The following LRTM3 variants were observed in gnomAD, a reference collection of about 807,000 sequenced individuals.
The protein encoded by LRTM3 is leucine rich repeat transmembrane protein 3.
At chr13:102,731,117 G>A in the LRTM3 span, 3 of 1,551,384 alleles carry the variant, frequency 1.9e-6, no homozygotes, top group Admixed American at 3.9e-5. Flanking sequence ...ACTAGCAGAA[G>A]TCACTGCAGA....
At chr13:102,747,952 C>G in the LRTM3 span, 1 of 1,551,242 alleles carries the variant, frequency 6.4e-7, no homozygotes, top group Non-Finnish European at 8.7e-7. Flanking sequence ...CTGAATTTGC[C>G]TCTTTCTCCT....
the LRTM3 span, among the ~76,000 whole-genome samples, chr13:102,753,494 TA>T: frequency 0.51 from 63,269 of 124,226 alleles, 14,990 homozygotes; most frequent in South Asian, 0.59. Context: ...AAAGTAAAAT[TA>T]AAAAAAAAAA....
the LRTM3 span, among the ~76,000 whole-genome samples, chr13:102,757,475 C>T: frequency 2.6e-5 from 4 of 152,142 alleles, no homozygotes; most frequent in African/African-American, 4.8e-5. Flanking sequence ...TATAGAAAGC[C>T]GTTTATGACC....
the LRTM3 span, chr13:102,759,010 G>A: frequency 9.9e-6 from 8 of 806,660 alleles, no homozygotes; most frequent in South Asian, 5.5e-5. Flanking sequence ...ATAAAACCTC[G>A]GTATGCCCAA....
At chr13:102,733,185 G>A in the LRTM3 span, 37 of 1,551,218 alleles carry the variant, frequency 2.4e-5, no homozygotes, top group African/African-American at 1.9e-4. Flanking sequence ...TCACACCGTC[G>A]GATCACTTGC....
chr13:102,743,624 A>G, the LRTM3 span: 6 of 1,550,480 alleles, frequency 3.9e-6, no homozygotes, highest in South Asian at 3.6e-5. Context: ...AGGACCCAGG[A>G]AAGTTGCAGG....
the LRTM3 span, chr13:102,745,152 A>C: frequency 6.4e-7 from 1 of 1,550,602 alleles, no homozygotes; most frequent in South Asian, 1.2e-5. Flanking sequence ...TGGTTTTCTA[A>C]TTTGTGAAAG....
chr13:102,747,800 T>C, the LRTM3 span: 1 of 1,551,174 alleles, frequency 6.4e-7, no homozygotes, highest in South Asian at 1.2e-5. Context: ...CAAAATAGTT[T>C]GTGTAGAAAG....
At chr13:102,735,993 A>T in the LRTM3 span, 12 of 1,549,962 alleles carry the variant, frequency 7.7e-6, no homozygotes, top group Non-Finnish European at 1.0e-5. Context: ...TCTGCCCTCA[A>T]ATGTATCCTT....
chr13:102,731,626 AT>A, the LRTM3 span: 2 of 1,551,466 alleles, frequency 1.3e-6, no homozygotes, highest in Non-Finnish European at 1.7e-6. Context: ...CTTGGATCAT[AT>A]TTTTAACCTG....
chr13:102,740,457 A>G, the LRTM3 span: 1 of 1,550,172 alleles, frequency 6.5e-7, no homozygotes, highest in South Asian at 1.2e-5. Flanking sequence ...TGCAGGAGAC[A>G]GGGATACTTT....
At chr13:102,740,314 G>A in the LRTM3 span, 1 of 1,550,188 alleles carries the variant, frequency 6.5e-7, no homozygotes, top group African/African-American at 1.4e-5. Context: ...GAGAAATCAA[G>A]GGCACAATCC....
chr13:102,741,084 T>C, the LRTM3 span: 9 of 1,549,972 alleles, frequency 5.8e-6, no homozygotes, highest in Middle Eastern at 1.7e-4. Flanking sequence ...GGATTTTCAA[T>C]ATAAAGTTGA....
the LRTM3 span, chr13:102,741,456 C>T: frequency 6.5e-7 from 1 of 1,550,006 alleles, no homozygotes; most frequent in Admixed American, 2.0e-5. Flanking sequence ...CCTTTAGAAC[C>T]TACAAATATA....
chr13:102,740,019 C>T, the LRTM3 span: 109 of 1,550,402 alleles, frequency 7.0e-5, no homozygotes, highest in South Asian at 8.0e-4. Flanking sequence ...ACTTGTTCTA[C>T]GCTATCCTTC....
chr13:102,732,242 A>G, the LRTM3 span: 6 of 1,551,244 alleles, frequency 3.9e-6, no homozygotes, highest in East Asian at 9.8e-5. Flanking sequence ...AGGTGAACGC[A>G]TGATGGAAAT....
the LRTM3 span, chr13:102,749,995 G>T: frequency 6.5e-7 from 1 of 1,550,230 alleles, no homozygotes; most frequent in Non-Finnish European, 8.7e-7. Context: ...GGGCAAGAGG[G>T]CAAGGTGCCA....
the LRTM3 span, among the ~76,000 whole-genome samples, chr13:102,753,343 G>A: frequency 1.3e-5 from 2 of 152,056 alleles, no homozygotes; most frequent in Non-Finnish European, 1.5e-5. Context: ...GCACAGGGAC[G>A]GAGAGCATTA....
the LRTM3 span, chr13:102,758,382 C>T: frequency 9.5e-6 from 14 of 1,467,954 alleles, no homozygotes; most frequent in East Asian, 3.5e-4. Flanking sequence ...CATTTAGCTT[C>T]AAAATATTTT....
Sources: gnomAD v4.1 joint callset for allele counts (sites outside exome capture counted in the v4.1 genomes callset) on GRCh38, gnomAD v4.1.1 for gene constraint, MANE v1.5 for transcripts, NCBI Gene and HGNC (gene_info 2026-07-23, HGNC 2026-07-21) for gene names.